The following DENND4A variants were observed in gnomAD, a reference collection of about 807,000 sequenced individuals.
DENND4A encodes the protein C-myc promoter-binding protein.
A neutral mutation model predicts 199.3 loss-of-function variants in DENND4A; 70 were observed. The ratio of observed to expected loss-of-function variants is 0.35; its 90% confidence interval spans 0.29 to 0.43. DENND4A has a LOEUF of 0.43. Among genes scored for constraint, DENND4A ranks in the 20% least tolerant of loss-of-function variants. DENND4A has a pLI of 1.00. For synonymous variants in DENND4A, 686 were observed against 766.9 expected (o/e 0.89, Z 1.74); for missense variants, 1,723 against 2,255.8 (o/e 0.76, Z 4.78).
intron 15 of DENND4A, among the ~76,000 whole-genome samples, chr15:65,704,578 T>C (rs961076327): frequency 6.6e-6 from 1 of 152,094 alleles, no homozygotes; most frequent in Admixed American, 6.6e-5. Flanking sequence ...TCTTGCTATG[T>C]TGCACAGGCT....
At chr15:65,754,532 C>T (rs866505377) in intron 3 of DENND4A, among the ~76,000 whole-genome samples, 5 of 152,056 alleles carry the variant, frequency 3.3e-5, no homozygotes, top group East Asian at 1.9e-4. Context: ...AACTGATAAG[C>T]GGCTTTATCT....
intron 27 of DENND4A, among the ~76,000 whole-genome samples, chr15:65,669,098 G>A (rs2076137544): frequency 6.6e-6 from 1 of 151,970 alleles, no homozygotes; most frequent in Non-Finnish European, 1.5e-5. Context: ...CAAAGATAAG[G>A]GCTACAATAG....
intron 4 of DENND4A, among the ~76,000 whole-genome samples, chr15:65,747,849 T>C (rs1035229533): frequency 6.6e-6 from 1 of 151,908 alleles, no homozygotes; most frequent in Non-Finnish European, 1.5e-5. Context: ...AAGATCAGCC[T>C]GACCAACGTG....
intron 1 of DENND4A, among the ~76,000 whole-genome samples, chr15:65,778,893 C>T (rs1308373615): frequency 6.5e-5 from 7 of 107,396 alleles, no homozygotes; most frequent in Non-Finnish European, 1.4e-4. Context: ...GACTCCGCAT[C>T]AAAAAAAAAA....
Position 65,690,863 on chromosome 15 carries a change from G to A in DENND4A, c.3731C>T (p.Ala1244Val), listed in dbSNP as rs775655342. 1 of 1,612,144 alleles carries A rather than the reference G, an allele frequency of 6.2e-7. No homozygotes were observed. Among genetic ancestry groups the A allele is most frequent in the African/African-American group, 1.3e-5 (1 of 75,016 alleles). ...AATTTCTTCAGCTAAATCACGCCTAGCAGATGGTGTTGAAATGCTTTTGCT... is the reference window on the plus strand; with the variant it reads ...AATTTCTTCAGCTAAATCACGCCTAACAGATGGTGTTGAAATGCTTTTGCT... ...DDSKSISTPS[A>V]RRDLAEEIVM... The change falls in exon 23 of 33, where the codon GCT (alanine) becomes GTT (valine). Residue 1244 changes from alanine (A) to valine (V), a missense_variant. Ala to Val is a moderately conservative substitution (Grantham distance 64, BLOSUM62 0). This residue lies in a region of DENND4A where 650 missense variants were observed against 738.1 expected (regional missense o/e 0.88). Transcript: ENST00000443035.
At chr15:65,711,095 G>T (rs2075236158) in intron 14 of DENND4A, among the ~76,000 whole-genome samples, 1 of 152,202 alleles carries the variant, frequency 6.6e-6, no homozygotes, top group South Asian at 2.1e-4. Flanking sequence ...CCTAACAGAA[G>T]TGCCAAATAA....
chr15:65,709,052 T>C (rs2075151258), intron 14 of DENND4A, among the ~76,000 whole-genome samples: 1 of 152,238 alleles, frequency 6.6e-6, no homozygotes, highest in Non-Finnish European at 1.5e-5. Context: ...ACACGTCTAA[T>C]TTTTGTTCAA....
intron 32 of DENND4A, 41 bp from the exon 33 acceptor site, chr15:65,662,028 A>G: frequency 6.5e-7 from 1 of 1,543,068 alleles, no homozygotes; most frequent in Non-Finnish European, 8.8e-7. Context: ...AAAGAAATTT[A>G]GGTCTGATGT....
At chr15:65,745,696 T>C (rs995258057) in intron 4 of DENND4A, among the ~76,000 whole-genome samples, 1 of 152,116 alleles carries the variant, frequency 6.6e-6, no homozygotes, top group Non-Finnish European at 1.5e-5. Context: ...ACTTCAATAA[T>C]AACTTTGGTG....
At chr15:65,789,680 C>T (rs762081506) in intron 1 of DENND4A, among the ~76,000 whole-genome samples, 3 of 152,108 alleles carry the variant, frequency 2.0e-5, no homozygotes, top group African/African-American at 7.2e-5. Context: ...CCTAGAACAA[C>T]GCACCATCAA....
In DENND4A at chr15:65,779,438, ACT is replaced by A. The variant is rs537512310; in HGVS notation, c.-102+12570_-102+12571del. ...ACCCCAGCCTGGGAGATAGAGTGAG[ACT>A]CTGTCTCAAAAAAAAAAAAAAAAGA... On this transcript the variant is annotated intron_variant, in intron 1 of 32. Coordinates refer to ENST00000443035, the MANE Select transcript of DENND4A (RefSeq NM_001320835.1). 2.2e-3 allele frequency among the ~76,000 whole-genome samples: 304 copies of A among 135,752 alleles called. 4 individuals are homozygous for A. Among genetic ancestry groups the A allele is most frequent in the African/African-American group, 8.0e-3 (290 of 36,130 alleles). The allele number at this position is 135,752 out of a possible 152,430, so 89.1% of individuals were successfully genotyped here.
intron 1 of DENND4A, among the ~76,000 whole-genome samples, chr15:65,762,366 GTA>G (rs1193038737): frequency 2.7e-5 from 4 of 150,618 alleles, no homozygotes; most frequent in Non-Finnish European, 3.0e-5. Flanking sequence ...GCTCACGTCT[GTA>G]ATCCCAGCAC....
chr15:65,706,270 G>A (rs2075045833), intron 14 of DENND4A, 46 bp from the exon 15 acceptor site: 14 of 1,425,974 alleles, frequency 9.8e-6, no homozygotes, highest in Non-Finnish European at 1.3e-5. Context: ...ACATTGGTTA[G>A]CCAAGTGTTC....
At position 65,717,928 on chromosome 15, in the gene DENND4A, T is replaced by G; in HGVS notation, c.1657A>C (p.Lys553Gln). The change falls in exon 13 of 33, where the codon AAG (lysine) becomes CAG (glutamine). Residue 553 changes from lysine (K) to glutamine (Q), a missense_variant. Physicochemically the swap from Lys to Gln is moderately conservative, Grantham distance 53. Transcript: ENST00000443035. ...TCCAAATCTATCATGTGCAACCTCT[T>G]TCCAGAATTAAAATCATAGTCATTT... ...AINDYDFNSG[K>Q]RLHMIDLEIQ... 1.2e-6 allele frequency: 2 copies of G among 1,609,846 alleles called. No individual in the cohort carries two copies. Among genetic ancestry groups the G allele is most frequent in the Non-Finnish European group, 1.7e-6 (2 of 1,177,796 alleles).
intron 1 of DENND4A, among the ~76,000 whole-genome samples, chr15:65,778,452 TAAAA>T (rs565036538): frequency 1.1e-5 from 1 of 89,638 alleles, no homozygotes. Flanking sequence ...TACAGTGACC[TAAAA>T]AAAAAAAAAA....
chr15:65,701,948 A>G, intron 17 of DENND4A, 58 bp from the exon 18 acceptor site: 1 of 1,602,004 alleles, frequency 6.2e-7, no homozygotes, highest in East Asian at 2.2e-5. Context: ...ACATAAATCT[A>G]GAATAAAATA....
rs1277598378 is a variant in DENND4A, at chr15:65,702,460, T to A, written c.2275A>T (p.Met759Leu). 9.4e-6 allele frequency: 15 copies of A among 1,598,460 alleles called. No individual in the cohort carries two copies. Among genetic ancestry groups the A allele is most frequent in the Non-Finnish European group, 1.3e-5 (15 of 1,172,346 alleles). The change falls in exon 17 of 33, where the codon ATG becomes TTG. Residue 759 changes from methionine to leucine, a missense_variant. By Grantham distance (15) the Met-to-Leu change is conservative. This residue lies in a region of DENND4A where 725 missense variants were observed against 952.9 expected (regional missense o/e 0.76). Transcript: ENST00000443035. Reference protein sequence around the residue: ...IAKRYSSIPQMWSRCLLRHCY... With the variant: ...IAKRYSSIPQLWSRCLLRHCY... ...TGGCGCAGTAGACACCTAGACCACA[T>A]CTGAGGGATGGAAGAGTACCTCTTT...
Position 65,690,405 on chromosome 15 carries a change from C to T in DENND4A, c.4179+10G>A, listed in dbSNP as rs138722998. On this transcript the variant is annotated intron_variant, in intron 23 of 32. Transcript: ENST00000443035. ...TGACAGTAAAAGTAGCAAATACTAA[C>T]CAAACTTACCTTAGATGATGTGGTG... The T allele has an allele frequency of 4.1e-4, 638 of 1,544,580 alleles. 5 individuals are homozygous for T. The African/African-American group carries it at 7.4e-3, about 18-fold the overall frequency.
At chr15:65,666,184 C>T (rs188590562) in intron 29 of DENND4A, among the ~76,000 whole-genome samples, 217 of 152,258 alleles carry the variant, frequency 1.4e-3, no homozygotes, top group African/African-American at 5.0e-3. Context: ...TTTTCCTATA[C>T]ATACATACTT....
Sources: allele counts gnomAD v4.1 joint callset (sites outside exome capture counted in the v4.1 genomes callset), GRCh38; gene constraint gnomAD v4.1.1; regional missense constraint gnomAD v4.1.1; transcripts MANE v1.5; gene names NCBI Gene and HGNC (gene_info 2026-07-23, HGNC 2026-07-21).